MBD5: variants seen among roughly 807,000 people sequenced by gnomAD.
MBD5 encodes the protein methyl-CpG-binding domain protein 5.
A neutral mutation model predicts 117.3 loss-of-function variants in MBD5; 13 were observed. The observed-to-expected ratio is 0.11, with a 90% CI of 0.07 to 0.18. The LOEUF is 0.18. MBD5 is among the 10% of genes least tolerant of loss of function. The pLI is 1.00. For synonymous variants in MBD5, 727 were observed against 766.4 expected, an observed-to-expected ratio of 0.95 and a Z score of 0.85; for missense variants, 1,879 against 2,093.8, an observed-to-expected ratio of 0.90 and a Z score of 2.00.
intron 4 of MBD5, among the ~76,000 whole-genome samples, chr2:148,426,890 G>A (rs1236043128): frequency 6.6e-6 from 1 of 152,050 alleles, no homozygotes; most frequent in Non-Finnish European, 1.5e-5. Flanking sequence ...GAAAATTTTT[G>A]CAATCTACTC....
At chr2:148,307,902 T>C (rs540709943) in intron 3 of MBD5, among the ~76,000 whole-genome samples, 10 of 152,318 alleles carry the variant, frequency 6.6e-5, no homozygotes, top group Admixed American at 3.3e-4. Flanking sequence ...TTTGGTTTTC[T>C]GTTCCTGTGT....
intron 1 of MBD5, among the ~76,000 whole-genome samples, chr2:148,125,571 C>G (rs796431407): frequency 1.6e-4 from 25 of 152,276 alleles, no homozygotes; most frequent in African/African-American, 5.5e-4. Context: ...TGGAAATACC[C>G]TTCCCAATTT....
chr2:148,483,788 C>A lies in MBD5; in HGVS notation c.3197C>A (p.Thr1066Asn). 1.3e-6 allele frequency: 2 copies of A among 1,550,612 alleles called. No individual in the cohort carries two copies. The highest frequency in any genetic ancestry group is 1.7e-6 in the Non-Finnish European group (2 of 1,146,982). The change falls in exon 9 of 14, where the codon ACT (threonine) becomes AAT (asparagine). Residue 1066 changes from threonine (T) to asparagine (N), a missense_variant. Transcript: ENST00000642680. ...TTACCAAGCTTTGCAGGCAGTGACACTACTTTTAACCCCCTGTTCCTCCCA... is the reference window on the plus strand; with the variant it reads ...TTACCAAGCTTTGCAGGCAGTGACAATACTTTTAACCCCCTGTTCCTCCCA... The part of the protein sequence containing the change: ...NPLPSFAGSD[T>N]TFNPLFLPAV...
rs1307348129 is a variant in MBD5 at position 148,165,111 on chromosome 2, A to G, written c.-924-13589A>G. 3.3e-5 allele frequency among the ~76,000 whole-genome samples: 5 copies of G among 152,256 alleles called. No individual in the cohort carries two copies. In the East Asian group the frequency reaches 7.7e-4, roughly 24 times the overall value. On this transcript the variant is annotated intron_variant, in intron 1 of 13. Coordinates refer to ENST00000642680, the MANE Select transcript of MBD5 (RefSeq NM_001378120.1). ...AAACAACGATCATTTTTACCTAACAATCTACATATTATGTGCTCAAATTTG... is the reference window on the plus strand; with the variant it reads ...AAACAACGATCATTTTTACCTAACAGTCTACATATTATGTGCTCAAATTTG...
chr2:148,128,919 A>G (rs1452560703), intron 1 of MBD5, among the ~76,000 whole-genome samples: 2 of 152,216 alleles, frequency 1.3e-5, no homozygotes, highest in Non-Finnish European at 2.9e-5. Context: ...TAAGAAAATG[A>G]TCTGGCATCT....
chr2:148,296,864 ATT>A lies in MBD5; in HGVS notation c.-679-45331_-679-45330del, dbSNP rs757371602. 8.8e-3 allele frequency among the ~76,000 whole-genome samples: 539 copies of A among 61,332 alleles called. 9 individuals carry two copies. Among genetic ancestry groups the A allele is most frequent in the African/African-American group, 0.029 (509 of 17,842 alleles). The allele number at this position is 61,332 out of a possible 152,430, so 40.2% of individuals were successfully genotyped here. On this transcript the variant is annotated intron_variant, in intron 3 of 13. Coordinates refer to ENST00000642680, the MANE Select transcript of MBD5 (RefSeq NM_001378120.1). ...AAGCATAGTTTGCTTTAGTTCTTCA[ATT>A]TTTTTTTTTTTTTTTTTTGGAGACA...
At chr2:148,382,388 T>A (rs1193755049) in intron 4 of MBD5, among the ~76,000 whole-genome samples, 1 of 152,114 alleles carries the variant, frequency 6.6e-6, no homozygotes, top group African/African-American at 2.4e-5. Flanking sequence ...AGGGATCAAT[T>A]CAACAAGAAG....
intron 4 of MBD5, among the ~76,000 whole-genome samples, chr2:148,454,312 AT>A (rs1706817009): frequency 6.6e-6 from 1 of 152,156 alleles, no homozygotes; most frequent in Non-Finnish European, 1.5e-5. Flanking sequence ...CATTAACATG[AT>A]TGATATACCA....
intron 1 of MBD5, among the ~76,000 whole-genome samples, chr2:148,096,346 C>T (rs1696066625): frequency 6.6e-6 from 1 of 152,088 alleles, no homozygotes; most frequent in Admixed American, 6.6e-5. Context: ...CTAGTGGATA[C>T]AGGTCATGGA....
intron 3 of MBD5, among the ~76,000 whole-genome samples, chr2:148,278,150 C>T (rs1240997846): frequency 6.6e-6 from 1 of 152,118 alleles, no homozygotes; most frequent in Admixed American, 6.5e-5. Context: ...CATATGTAGC[C>T]TTTGATTCTA....
chr2:148,432,134 G>A (rs1179754352), intron 4 of MBD5, among the ~76,000 whole-genome samples: 1 of 152,044 alleles, frequency 6.6e-6, no homozygotes, highest in African/African-American at 2.4e-5. Flanking sequence ...GTGATGTTAA[G>A]CATTTTTTCA....
chr2:148,345,382 CACATATACATATACAT>C (rs1703071393), intron 4 of MBD5, among the ~76,000 whole-genome samples: 2 of 139,288 alleles, frequency 1.4e-5, no homozygotes, highest in East Asian at 2.8e-4. Flanking sequence ...TACACATATA[CACATATACATATACAT>C]ATATACACAT....
chr2:148,245,661 A>G (rs1341477217), intron 3 of MBD5, among the ~76,000 whole-genome samples: 1 of 152,166 alleles, frequency 6.6e-6, no homozygotes, highest in Non-Finnish European at 1.5e-5. Flanking sequence ...TCTTTTGAGT[A>G]TTAGAAAACC....
chr2:148,490,545 G>C lies in MBD5; in HGVS notation c.4913G>C (p.Arg1638Thr). 1 of 1,614,200 alleles carries C rather than the reference G, an allele frequency of 6.2e-7. No homozygotes were observed. The highest frequency in any genetic ancestry group is 2.2e-5 in the East Asian group (1 of 44,890). ...ACTTCCTGGCCTGGAAAATTAGTAA[G>C]AGAAGACGACGTTCACAATTCATGT... Reference protein sequence around the residue: ...GLTSWPGKLVREDDVHNSCQQ... With the variant: ...GLTSWPGKLVTEDDVHNSCQQ... The change falls in exon 11 of 14, where the codon AGA (arginine) becomes ACA (threonine). Residue 1638 changes from arginine to threonine, a missense_variant. Arg to Thr is a moderately conservative substitution (Grantham distance 71). Around this residue, in one of 4 missense-constraint regions of MBD5, gnomAD observed 135 missense variants for 148.0 expected, o/e 0.91. Transcript: ENST00000642680.
chr2:148,374,255 A>G (rs1166403810), intron 4 of MBD5, among the ~76,000 whole-genome samples: 1 of 137,894 alleles, frequency 7.3e-6, no homozygotes, highest in Non-Finnish European at 1.7e-5. Flanking sequence ...ACACACACAC[A>G]CACACACACA....
intron 1 of MBD5, among the ~76,000 whole-genome samples, chr2:148,124,746 A>C (rs1386587852): frequency 6.6e-6 from 1 of 152,070 alleles, no homozygotes; most frequent in Non-Finnish European, 1.5e-5. Flanking sequence ...TCAAAATGCA[A>C]AATTTTTTGT....
At chr2:148,394,545 G>GTTTTTTTTTTTTTCTTTTTTTTTTTT (rs1704651751) in intron 4 of MBD5, among the ~76,000 whole-genome samples, 3 of 121,850 alleles carry the variant, frequency 2.5e-5, no homozygotes, top group East Asian at 2.3e-4. Flanking sequence ...CTGTACTTTG[G>GTTTTTTTTTTTTTCTTTTTTTTTTTT]TTTTTTTTTT....
chr2:148,297,708 T>C (rs1029473337), intron 3 of MBD5, among the ~76,000 whole-genome samples: 1 of 152,194 alleles, frequency 6.6e-6, no homozygotes, highest in Non-Finnish European at 1.5e-5. Context: ...GGGGAGTGTT[T>C]TTCTGTTTTG....
At chr2:148,105,727 T>C (rs999471989) in intron 1 of MBD5, among the ~76,000 whole-genome samples, 2 of 152,142 alleles carry the variant, frequency 1.3e-5, no homozygotes, top group African/African-American at 4.8e-5. Context: ...TTCCTTTGTT[T>C]CATTTTGTTT....
Sources: gnomAD v4.1 joint callset for allele counts (sites outside exome capture counted in the v4.1 genomes callset) on GRCh38, gnomAD v4.1.1 for gene constraint, gnomAD v4.1.1 regional missense constraint, MANE v1.5 for transcripts, NCBI Gene and HGNC (gene_info 2026-07-23, HGNC 2026-07-21) for gene names.